Variants in SCMH1 observed in about 807,000 individuals in gnomAD.
The protein encoded by SCMH1 is Scm polycomb group protein homolog 1, also known as polycomb protein SCMH1.
SCMH1 carries 37 observed loss-of-function variants against 70.8 expected under a neutral mutation model. That is an observed-to-expected ratio of 0.52 (90% CI 0.40 to 0.69). The LOEUF (loss-of-function observed/expected upper bound fraction) is 0.69. SCMH1 is among the 30% of genes least tolerant of loss of function. SCMH1 has a pLI of 0.00. For missense variants in SCMH1, 607 were observed against 827.3 expected (o/e 0.73, Z 3.27); for synonymous variants, 292 against 307.4 (o/e 0.95, Z 0.52).
intron 8 of SCMH1, 52 bp from the exon 9 acceptor site, chr1:41,075,503 C>T: frequency 1.3e-6 from 2 of 1,492,726 alleles, no homozygotes; most frequent in Non-Finnish European, 1.9e-6. Flanking sequence ...GCATTCTCAT[C>T]CCAGCCAGAA....
chr1:41,164,379 C>T (rs917351679), intron 2 of SCMH1, among the ~76,000 whole-genome samples: 10 of 151,924 alleles, frequency 6.6e-5, no homozygotes, highest in African/African-American at 9.7e-5. Flanking sequence ...AAAAAAAATT[C>T]GTATCTTTCT....
intron 1 of SCMH1, among the ~76,000 whole-genome samples, chr1:41,188,322 G>A (rs1029207390): frequency 6.6e-6 from 1 of 152,160 alleles, no homozygotes; most frequent in Non-Finnish European, 1.5e-5. Flanking sequence ...TAGAGATGGG[G>A]TTTCACCATG....
intron 1 of SCMH1, among the ~76,000 whole-genome samples, chr1:41,225,862 C>T (rs1004615183): frequency 2.6e-5 from 4 of 152,152 alleles, no homozygotes; most frequent in Admixed American, 1.3e-4. Context: ...GGCAGACTAG[C>T]GCTTTTTAAG....
At chr1:41,178,746 A>T (rs1445954276) in intron 2 of SCMH1, among the ~76,000 whole-genome samples, 1 of 152,194 alleles carries the variant, frequency 6.6e-6, no homozygotes, top group African/African-American at 2.4e-5. Context: ...AAGTCCTTAG[A>T]GACCTACAAA....
At chr1:41,028,148 T>C in exon 15 of SCMH1, 2 of 1,611,610 alleles carry the variant, frequency 1.2e-6, no homozygotes, top group Non-Finnish European at 1.7e-6. Context: ...CCTAGAAGAA[T>C]GCCCCCACCT....
chr1:41,063,987 T>C (rs1653706745), intron 10 of SCMH1, among the ~76,000 whole-genome samples: 1 of 152,322 alleles, frequency 6.6e-6, no homozygotes, highest in South Asian at 2.1e-4. Flanking sequence ...CAAGCCAGCA[T>C]TGTCCTCAAC....
At chr1:41,160,882 C>A (rs770437680) in exon 4 of SCMH1, 25 of 1,550,216 alleles carry the variant, frequency 1.6e-5, no homozygotes, top group South Asian at 1.3e-4. Context: ...TACCTAGATC[C>A]AGGATGTCAG....
chr1:41,225,427 A>G (rs554472296), intron 1 of SCMH1, among the ~76,000 whole-genome samples: 2 of 152,306 alleles, frequency 1.3e-5, no homozygotes, highest in Middle Eastern at 3.4e-3. Flanking sequence ...AATTTATCCA[A>G]TCAACATTTA....
intron 1 of SCMH1, among the ~76,000 whole-genome samples, chr1:41,241,622 G>T (rs533922016): frequency 2.3e-3 from 349 of 152,154 alleles, no homozygotes; most frequent in African/African-American, 7.8e-3. Context: ...CCGCGCAGAC[G>T]GGGTCGCGCC....
At chr1:41,144,182 C>T (rs966988620) in intron 5 of SCMH1, among the ~76,000 whole-genome samples, 2 of 152,090 alleles carry the variant, frequency 1.3e-5, no homozygotes, top group African/African-American at 2.4e-5. Flanking sequence ...GTTGTGTAAA[C>T]ACCATCCCTA....
chr1:41,192,310 T>C (rs555107619), intron 1 of SCMH1, among the ~76,000 whole-genome samples: 1 of 152,226 alleles, frequency 6.6e-6, no homozygotes, highest in South Asian at 2.1e-4. Flanking sequence ...TATCTCCAGA[T>C]TTCCCCTTCT....
intron 1 of SCMH1, among the ~76,000 whole-genome samples, chr1:41,215,852 G>A (rs918636277): frequency 8.5e-5 from 13 of 152,138 alleles, no homozygotes; most frequent in African/African-American, 2.4e-4. Context: ...CTGCCTGACA[G>A]TAGCAGGCAT....
intron 1 of SCMH1, among the ~76,000 whole-genome samples, chr1:41,188,566 T>C (rs939291566): frequency 8.5e-5 from 13 of 152,336 alleles, no homozygotes; most frequent in East Asian, 1.9e-4. Flanking sequence ...TGGCTACTCA[T>C]TGCATAGTGC....
intron 1 of SCMH1, among the ~76,000 whole-genome samples, chr1:41,197,867 T>C (rs1369348159): frequency 2.0e-5 from 3 of 152,210 alleles, no homozygotes; most frequent in Non-Finnish European, 1.5e-5. Context: ...ACTTTCTTTA[T>C]GACTTCCTGT....
At chr1:41,220,634 G>A (rs375462999) in intron 1 of SCMH1, among the ~76,000 whole-genome samples, 4 of 152,162 alleles carry the variant, frequency 2.6e-5, no homozygotes, top group South Asian at 2.1e-4. Flanking sequence ...CACATGTTAC[G>A]GTGACTTCTA....
At chr1:41,076,721 A>C (rs1658387633) in intron 8 of SCMH1, among the ~76,000 whole-genome samples, 1 of 152,208 alleles carries the variant, frequency 6.6e-6, no homozygotes, top group South Asian at 2.1e-4. Flanking sequence ...ACAAGTGCAA[A>C]GAGTCTGAGA....
At chr1:41,137,845 A>G (rs1643607312) in intron 6 of SCMH1, among the ~76,000 whole-genome samples, 1 of 152,156 alleles carries the variant, frequency 6.6e-6, no homozygotes, top group Non-Finnish European at 1.5e-5. Flanking sequence ...TGCTACTCAT[A>G]TAATTTCTTT....
At chr1:41,104,948 C>T (rs1278194396) in intron 8 of SCMH1, among the ~76,000 whole-genome samples, 2 of 145,730 alleles carry the variant, frequency 1.4e-5, no homozygotes, top group Non-Finnish European at 3.0e-5. Context: ...AAAACCGTAA[C>T]ATTAAACAGC....
intron 6 of SCMH1, among the ~76,000 whole-genome samples, chr1:41,140,362 G>A (rs970121843): frequency 2.4e-4 from 37 of 151,622 alleles, no homozygotes; most frequent in Non-Finnish European, 5.2e-4. Context: ...GTGCAATCCC[G>A]GCTCACTGCA....
Sources: allele counts gnomAD v4.1 joint callset (sites outside exome capture counted in the v4.1 genomes callset), GRCh38; gene constraint gnomAD v4.1.1; transcripts MANE v1.5; gene names NCBI Gene and HGNC (gene_info 2026-07-23, HGNC 2026-07-21).